The following ROBO1 variants were observed in gnomAD, a reference collection of about 807,000 sequenced individuals.
The protein encoded by ROBO1 is roundabout guidance receptor 1, also known as roundabout homolog 1.
In ROBO1, 149 loss-of-function variants were observed where a neutral mutation model predicts 195.9. The ratio of observed to expected loss-of-function variants is 0.76; its 90% confidence interval spans 0.67 to 0.87. The LOEUF is 0.87. Ranked by LOEUF, ROBO1 falls within the 40% of genes least tolerant of loss-of-function variation. The probability of loss-of-function intolerance (pLI) is 0.00; values close to 1 mark genes in which losing one functional copy is unlikely to be tolerated. For synonymous variants in ROBO1, 816 were observed against 733.2 expected (o/e 1.11, Z -1.82); for missense variants, 1,933 against 2,068.3 (o/e 0.93, Z 1.27).
At chr3:79,735,637 G>A (rs975687438) in intron 1 of ROBO1, among the ~76,000 whole-genome samples, 7 of 152,176 alleles carry the variant, frequency 4.6e-5, no homozygotes, top group Non-Finnish European at 1.0e-4. Context: ...TTGGGAGGCC[G>A]AGGCGGGTGG....
rs371855004 is a variant in ROBO1 at position 78,785,212 on chromosome 3, A to C, written c.500-38312T>G. 4.6e-5 allele frequency among the ~76,000 whole-genome samples: 7 copies of C among 152,316 alleles called. No individual in the cohort carries two copies. The East Asian group carries it at 7.7e-4, about 17-fold the overall frequency. On this transcript the variant is annotated intron_variant, in intron 4 of 30. Transcript: ENST00000464233. ...ATGCATGATGAACACATTGCAGTGA[A>C]CTCACTCTTAAGGTATATGACTCAT...
intron 3 of ROBO1, among the ~76,000 whole-genome samples, chr3:79,046,493 A>G (rs143608606): frequency 2.0e-5 from 3 of 152,240 alleles, no homozygotes; most frequent in East Asian, 3.9e-4. Flanking sequence ...TTTATTAAGT[A>G]TTAACTAACA....
intron 4 of ROBO1, among the ~76,000 whole-genome samples, chr3:78,832,435 T>C (rs868624033): frequency 6.6e-6 from 1 of 152,194 alleles, no homozygotes; most frequent in South Asian, 2.1e-4. Context: ...ATCTTACTCC[T>C]TTTCCTTTAC....
intron 2 of ROBO1, among the ~76,000 whole-genome samples, chr3:79,355,486 G>T (rs2109283508): frequency 6.6e-6 from 1 of 152,042 alleles, no homozygotes. Flanking sequence ...ATCTTACTAG[G>T]CAATAGAAAA....
chr3:79,147,726 T>C (rs533556835), intron 2 of ROBO1, among the ~76,000 whole-genome samples: 53 of 152,012 alleles, frequency 3.5e-4, no homozygotes, highest in Non-Finnish European at 7.1e-4. Context: ...TTTCTTTTGG[T>C]GCTTAGTTTC....
chr3:78,642,505 C>T (rs1706030255), intron 21 of ROBO1, among the ~76,000 whole-genome samples: 1 of 152,174 alleles, frequency 6.6e-6, no homozygotes, highest in African/African-American at 2.4e-5. Context: ...AAGGCTTGAG[C>T]TCTATTTCCT....
chr3:79,362,830 C>T lies in ROBO1; in HGVS notation c.88+226994G>A, dbSNP rs1264880032. On this transcript the variant is annotated intron_variant, in intron 2 of 30. Transcript: ENST00000464233. ...CTGTAGGAGCTTTTTCTGACCTATT[C>T]CAGGGACTCTGCCAACTCAAATGCT... Among the ~76,000 whole-genome samples, 4 of 152,198 alleles carry T rather than the reference C, an allele frequency of 2.6e-5. No individual in the cohort carries two copies. The East Asian group carries it at 7.7e-4, about 29-fold the overall frequency.
At chr3:78,700,824 C>T (rs1241709582) in intron 8 of ROBO1, among the ~76,000 whole-genome samples, 4 of 147,678 alleles carry the variant, frequency 2.7e-5, no homozygotes, top group South Asian at 2.1e-4. Flanking sequence ...AGTGCAGTGT[C>T]GCGATCCCAG....
chr3:79,270,180 TC>T (rs1553710455), intron 2 of ROBO1, among the ~76,000 whole-genome samples: 1 of 10,788 alleles, frequency 9.3e-5, no homozygotes, highest in Non-Finnish European at 2.6e-4. Flanking sequence ...TACATAATGT[TC>T]TCTCTCTCTC....
At position 78,670,189 on chromosome 3, in the gene ROBO1, G is replaced by A; in HGVS notation, c.1455C>T (p.Thr485=). 2 of 1,611,954 alleles carry A rather than the reference G, an allele frequency of 1.2e-6. No individual in the cohort carries two copies. The highest frequency in any genetic ancestry group is 1.7e-6 in the Non-Finnish European group (2 of 1,179,056). ...GGACTCCATCCTTTCTCCACAGAAT[G>A]GTGGGCACTGGACTGCCTGTGGCCA... The part of the protein sequence containing the change: ...SCVATGSPVP[T]ILWRKDGVLV... The change falls in exon 11 of 31, where the codon ACC becomes ACT. Residue 485 remains threonine (T), a synonymous_variant. Transcript: ENST00000464233.
intron 2 of ROBO1, among the ~76,000 whole-genome samples, chr3:79,400,564 A>C (rs1305234704): frequency 6.6e-6 from 1 of 152,086 alleles, no homozygotes; most frequent in Admixed American, 6.6e-5. Context: ...CTTTTTACGT[A>C]TTGATAATAA....
chr3:79,303,500 A>G (rs1041286779), intron 2 of ROBO1, among the ~76,000 whole-genome samples: 1 of 152,024 alleles, frequency 6.6e-6, no homozygotes, highest in Admixed American at 6.6e-5. Context: ...TACTTGATAT[A>G]CATTATCTCA....
intron 2 of ROBO1, among the ~76,000 whole-genome samples, chr3:79,410,731 G>T (rs909671783): frequency 6.6e-6 from 1 of 151,982 alleles, no homozygotes; most frequent in African/African-American, 2.4e-5. Context: ...CGCAAAAGAG[G>T]GATAAAGGTC....
chr3:79,402,984 G>C (rs1226689547), intron 2 of ROBO1, among the ~76,000 whole-genome samples: 1 of 151,872 alleles, frequency 6.6e-6, no homozygotes, highest in Non-Finnish European at 1.5e-5. Flanking sequence ...GTTTATCATA[G>C]AGTAGCTACA....
At chr3:79,733,244 ATCT>A (rs1703231415) in intron 1 of ROBO1, among the ~76,000 whole-genome samples, 1 of 152,208 alleles carries the variant, frequency 6.6e-6, no homozygotes, top group Admixed American at 6.5e-5. Flanking sequence ...GTGCCCAATT[ATCT>A]TCTTATCTTC....
chr3:78,899,435 C>A (rs78601793), intron 4 of ROBO1, among the ~76,000 whole-genome samples: 240 of 152,200 alleles, frequency 1.6e-3, no homozygotes, highest in African/African-American at 5.7e-3. Flanking sequence ...ATTCAATATT[C>A]AATAAGAGGA....
chr3:79,072,312 G>C (rs1202166066), intron 3 of ROBO1, among the ~76,000 whole-genome samples: 1 of 151,822 alleles, frequency 6.6e-6, no homozygotes, highest in East Asian at 1.9e-4. Flanking sequence ...ATACATGTTA[G>C]TTTGGCACAC....
intron 2 of ROBO1, among the ~76,000 whole-genome samples, chr3:79,450,246 T>C (rs1343911125): frequency 2.0e-5 from 3 of 151,962 alleles, no homozygotes; most frequent in Non-Finnish European, 2.9e-5. Context: ...TTCCTTTTAC[T>C]GAGTCTTTGA....
At chr3:78,948,763 C>A (rs2040599886) in intron 3 of ROBO1, among the ~76,000 whole-genome samples, 1 of 152,152 alleles carries the variant, frequency 6.6e-6, no homozygotes, top group Non-Finnish European at 1.5e-5. Context: ...ATCTAGAAAA[C>A]CCCATCGTCT....
Sources: allele counts gnomAD v4.1 joint callset (sites outside exome capture counted in the v4.1 genomes callset), GRCh38; gene constraint gnomAD v4.1.1; transcripts MANE v1.5; gene names NCBI Gene and HGNC (gene_info 2026-07-23, HGNC 2026-07-21).